STXBP5L: variants seen among roughly 807,000 people sequenced by gnomAD.
STXBP5L encodes syntaxin-binding protein 5-like.
A neutral mutation model predicts 144.5 loss-of-function variants in STXBP5L; 65 were observed. That is an observed-to-expected ratio of 0.45 (90% confidence interval 0.37 to 0.55). The LOEUF is 0.55. Among genes scored for constraint, STXBP5L ranks in the 20% least tolerant of loss-of-function variants. STXBP5L has a pLI of 0.00. For missense variants in STXBP5L, 1,298 were observed against 1,405.5 expected (o/e 0.92, Z 1.22); for synonymous variants, 505 against 469.6 (o/e 1.08, Z -0.97).
In STXBP5L at chr3:121,173,752, T is replaced by C. The variant is rs557532984; in HGVS notation, c.877+16125T>C. 2.6e-5 allele frequency among the ~76,000 whole-genome samples: 4 copies of C among 152,244 alleles called. No individual in the cohort carries two copies. In the South Asian group the frequency reaches 8.3e-4, roughly 32 times the overall value. ...AATATCATAAGTTTGTGTTATCTCT[T>C]TACAAGATGAATCGTGTCTGAAATG... On this transcript the variant is annotated intron_variant, in intron 9 of 26. Coordinates refer to ENST00000471454, the MANE Select transcript of STXBP5L (RefSeq NM_001308330.2).
intron 7 of STXBP5L, among the ~76,000 whole-genome samples, chr3:121,146,594 A>G (rs1302575519): frequency 6.6e-6 from 1 of 151,748 alleles, no homozygotes; most frequent in Non-Finnish European, 1.5e-5. Context: ...TGCTGTTACA[A>G]GAGATACATT....
intron 5 of STXBP5L, among the ~76,000 whole-genome samples, chr3:121,062,997 GC>G: frequency 6.6e-6 from 1 of 152,282 alleles, no homozygotes; most frequent in East Asian, 1.9e-4. Context: ...ATCTTCTGAA[GC>G]CTACTTCTGT....
intron 10 of STXBP5L, among the ~76,000 whole-genome samples, chr3:121,213,791 C>T (rs1396609271): frequency 6.6e-6 from 1 of 152,118 alleles, no homozygotes; most frequent in Non-Finnish European, 1.5e-5. Flanking sequence ...AGGAATGGTA[C>T]CAACTCCTCT....
intron 14 of STXBP5L, among the ~76,000 whole-genome samples, chr3:121,247,571 AT>A (rs1369612974): frequency 1.3e-5 from 2 of 152,278 alleles, no homozygotes; most frequent in Middle Eastern, 3.4e-3. Context: ...AACATGTGGT[AT>A]TTAGTTTTCT....
At chr3:121,065,867 A>G (rs2041518557) in intron 5 of STXBP5L, among the ~76,000 whole-genome samples, 1 of 152,182 alleles carries the variant, frequency 6.6e-6, no homozygotes, top group Non-Finnish European at 1.5e-5. Context: ...TAGCATTCAT[A>G]TCCCTTGCAT....
At chr3:121,002,397 G>A (rs1943858324) in intron 3 of STXBP5L, among the ~76,000 whole-genome samples, 1 of 151,996 alleles carries the variant, frequency 6.6e-6, no homozygotes, top group Non-Finnish European at 1.5e-5. Context: ...TTTAAAATTT[G>A]AGGGTTTTTT....
chr3:121,016,002 TGAG>T (rs1488258000), intron 3 of STXBP5L, among the ~76,000 whole-genome samples: 6 of 152,202 alleles, frequency 3.9e-5, no homozygotes, highest in Admixed American at 6.5e-5. Context: ...AGACTCTGTC[TGAG>T]GAGGAATATT....
chr3:121,374,676 T>G (rs991785329), intron 20 of STXBP5L, among the ~76,000 whole-genome samples: 9 of 151,934 alleles, frequency 5.9e-5, no homozygotes, highest in Non-Finnish European at 1.2e-4. Flanking sequence ...AAAATACAAT[T>G]GAGTACTTTA....
chr3:121,364,931 G>T (rs1048048267), intron 20 of STXBP5L, among the ~76,000 whole-genome samples: 3 of 151,768 alleles, frequency 2.0e-5, no homozygotes, highest in African/African-American at 7.2e-5. Flanking sequence ...TAAAAGGGTG[G>T]TGAGTTTCAT....
At chr3:121,092,338 T>C (rs1301007569) in intron 5 of STXBP5L, among the ~76,000 whole-genome samples, 4 of 152,152 alleles carry the variant, frequency 2.6e-5, no homozygotes, top group Admixed American at 6.5e-5. Flanking sequence ...GGGGATGGCA[T>C]TGAATCTATA....
At position 121,157,623 on chromosome 3, in the gene STXBP5L, A is replaced by T; in HGVS notation, c.873A>T (p.Pro291=). 6.3e-7 allele frequency: 1 copy of T among 1,599,890 alleles called. No individual in the cohort carries two copies. The highest frequency in any genetic ancestry group is 8.5e-7 in the Non-Finnish European group (1 of 1,174,724). Residue 291 remains proline (P), a synonymous_variant, in exon 9 of 27, where the codon CCA becomes CCT. Transcript: ENST00000471454. ...SPSRPFQTTI[P]HGKSQREGRK... ...GTCGCCCTTTCCAGACCACAATTCC[A>T]CATGGTAAGATGTATGCTTTCAAAA...
At chr3:120,943,864 A>G (rs1710699490) in intron 2 of STXBP5L, among the ~76,000 whole-genome samples, 1 of 148,544 alleles carries the variant, frequency 6.7e-6, no homozygotes, top group East Asian at 2.0e-4. Flanking sequence ...TATCTTATAT[A>G]GTTTATTTTT....
intron 20 of STXBP5L, among the ~76,000 whole-genome samples, chr3:121,348,140 C>T (rs1255290633): frequency 2.0e-5 from 3 of 152,050 alleles, no homozygotes; most frequent in Non-Finnish European, 4.4e-5. Flanking sequence ...CCATCAGTAC[C>T]TAATTATTGA....
intron 5 of STXBP5L, among the ~76,000 whole-genome samples, chr3:121,045,995 G>C (rs1403161330): frequency 6.6e-6 from 1 of 152,294 alleles, no homozygotes; most frequent in African/African-American, 2.4e-5. Context: ...GATGTTGGCT[G>C]TGAGTTTGTC....
chr3:121,280,281 A>G (rs1214570869), intron 19 of STXBP5L, among the ~76,000 whole-genome samples: 1 of 151,836 alleles, frequency 6.6e-6, no homozygotes, highest in Non-Finnish European at 1.5e-5. Flanking sequence ...TCTGTAGTTG[A>G]AAAAAACTGC....
At chr3:120,979,235 G>C (rs1023878815) in intron 3 of STXBP5L, among the ~76,000 whole-genome samples, 1 of 152,198 alleles carries the variant, frequency 6.6e-6, no homozygotes, top group Non-Finnish European at 1.5e-5. Context: ...GTTTACCTAA[G>C]CAAGCCTGGG....
intron 2 of STXBP5L, among the ~76,000 whole-genome samples, chr3:120,919,734 T>C (rs73185419): frequency 0.04 from 6,041 of 152,046 alleles, 166 homozygotes; most frequent in Middle Eastern, 0.082. Context: ...AACTAGACTT[T>C]TTAATTGGGC....
At chr3:121,068,817 G>A (rs2041670492) in intron 5 of STXBP5L, among the ~76,000 whole-genome samples, 1 of 151,740 alleles carries the variant, frequency 6.6e-6, no homozygotes, top group Admixed American at 6.6e-5. Context: ...TCTTTTGCCT[G>A]AAAATTTTTC....
chr3:121,191,509 G>T (rs1482522739), intron 9 of STXBP5L, among the ~76,000 whole-genome samples: 29 of 152,136 alleles, frequency 1.9e-4, no homozygotes. Flanking sequence ...GCCTCGGCTG[G>T]GCATCAGAGG....
Sources: allele counts gnomAD v4.1 joint callset (sites outside exome capture counted in the v4.1 genomes callset), GRCh38; gene constraint gnomAD v4.1.1; transcripts MANE v1.5; gene names NCBI Gene and HGNC (gene_info 2026-07-23, HGNC 2026-07-21).